The following MACROH2A2 variants were observed in gnomAD, a reference collection of about 807,000 sequenced individuals.
MACROH2A2 encodes core histone macro-H2A.2.
A neutral mutation model predicts 37.6 loss-of-function variants in MACROH2A2; 6 were observed. The observed-to-expected ratio is 0.16, with a 90% CI of 0.09 to 0.32. The LOEUF (loss-of-function observed/expected upper bound fraction) is 0.32, where lower values mean the gene tolerates loss of function less well. MACROH2A2 is among the 10% of genes least tolerant of loss of function. MACROH2A2 has a pLI of 1.00. For missense variants in MACROH2A2, 290 were observed against 485.9 expected, an observed-to-expected ratio of 0.60 and a Z score of 3.79; for synonymous variants, 192 against 202.7, an observed-to-expected ratio of 0.95 and a Z score of 0.45.
chr10:70,075,835 T>A lies in MACROH2A2; in HGVS notation c.172+5T>A. The A allele has an allele frequency of 6.2e-7, 1 of 1,611,446 alleles. No individual in the cohort carries two copies. Among genetic ancestry groups the A allele is most frequent in the Non-Finnish European group, 8.5e-7 (1 of 1,179,106 alleles). On this transcript the variant is annotated splice_donor_5th_base_variant and intron_variant, in intron 2 of 8. Coordinates refer to ENST00000373255, the MANE Select transcript of MACROH2A2 (RefSeq NM_018649.3). This position sits in a 1 kb window ranked among gnomAD's most constrained non-coding sequence, Gnocchi z 5.0. ...CAGTCATTGAGTACCTGGCAGGTAATGAGGACACGCAAAGGAGGCTGCCTG... is the reference window on the plus strand; with the variant it reads ...CAGTCATTGAGTACCTGGCAGGTAAAGAGGACACGCAAAGGAGGCTGCCTG...
chr10:70,111,387 G>A, intron 8 of MACROH2A2, 131 bp from the exon 9 acceptor site: 1 of 748,052 alleles, frequency 1.3e-6, no homozygotes, highest in Non-Finnish European at 2.1e-6. Flanking sequence ...CTTTGGCTAG[G>A]GTCAAAGGAG....
At chr10:70,082,249 G>A (rs1052956768) in intron 2 of MACROH2A2, among the ~76,000 whole-genome samples, 19 of 152,028 alleles carry the variant, frequency 1.2e-4, no homozygotes, top group East Asian at 3.9e-4. Context: ...GAGAAACCCC[G>A]TCTCTACTAA....
intron 1 of MACROH2A2, among the ~76,000 whole-genome samples, chr10:70,060,375 AAAG>A (rs1255776121): frequency 6.6e-6 from 1 of 152,080 alleles, no homozygotes; most frequent in African/African-American, 2.4e-5. Flanking sequence ...CTTAAAAAAA[AAAG>A]AAAGAAAAAG....
intron 1 of MACROH2A2, among the ~76,000 whole-genome samples, chr10:70,070,399 C>CT (rs1044496966): frequency 2.2e-4 from 33 of 152,162 alleles, no homozygotes; most frequent in Non-Finnish European, 5.9e-5. Context: ...CATTTAGGTA[C>CT]TTTTTTACAA....
rs1489687345 is a variant in MACROH2A2 at position 70,107,625 on chromosome 10, A to G, written c.779-1408A>G. Among the ~76,000 whole-genome samples the G allele has an allele frequency of 6.6e-6, 1 of 152,204 alleles. No individual in the cohort carries two copies. Among genetic ancestry groups the G allele is most frequent in the Admixed American group, 6.5e-5 (1 of 15,284 alleles). On this transcript the variant is annotated intron_variant, in intron 7 of 8. Transcript: ENST00000373255. This position sits in a 1 kb window ranked among gnomAD's most constrained non-coding sequence, Gnocchi z 4.4. ...CGGGGCTTTATCAACTCTGTCACCAATGGGAACCACATTTAGGGGAGTAAA... is the reference window on the plus strand; with the variant it reads ...CGGGGCTTTATCAACTCTGTCACCAGTGGGAACCACATTTAGGGGAGTAAA...
At chr10:70,074,804 G>A (rs1054652764) in intron 1 of MACROH2A2, among the ~76,000 whole-genome samples, 2 of 152,160 alleles carry the variant, frequency 1.3e-5, no homozygotes, top group African/African-American at 2.4e-5. Context: ...GTGGAACTGT[G>A]AGTGCATTAA....
At position 70,111,708 on chromosome 10, in the gene MACROH2A2, G is replaced by A. The variant is rs933990694; in HGVS notation, c.*25G>A. 7 of 1,562,932 alleles carry A rather than the reference G, an allele frequency of 4.5e-6. No homozygotes were observed. Among genetic ancestry groups the A allele is most frequent in the African/African-American group, 1.4e-5 (1 of 73,456 alleles). ...GCCGCCGCACTTTCCAGCAGGGATCGGAGGACGACCCGAGTCCCAAGAGTG... is the reference window on the plus strand; with the variant it reads ...GCCGCCGCACTTTCCAGCAGGGATCAGAGGACGACCCGAGTCCCAAGAGTG... On this transcript the variant is annotated 3_prime_UTR_variant, in exon 9 of 9. Transcript: ENST00000373255.
intron 1 of MACROH2A2, among the ~76,000 whole-genome samples, chr10:70,073,983 G>T (rs1313773433): frequency 6.6e-6 from 1 of 152,168 alleles, no homozygotes; most frequent in Non-Finnish European, 1.5e-5. Flanking sequence ...GAACGCCATT[G>T]ACCTTGGGGA....
chr10:70,079,565 GCACACACACACACA>G lies in MACROH2A2; in HGVS notation c.172+3763_172+3776del, dbSNP rs56247035. Among the ~76,000 whole-genome samples the G allele has an allele frequency of 7.5e-4, 95 of 126,264 alleles. 3 individuals carry two copies. The South Asian group carries it at 0.022, about 29-fold the overall frequency. The allele number at this position is 126,264 out of a possible 152,430, so 82.8% of individuals were successfully genotyped here. ...ACGTTGAGGGTTCGCGCGCGCGCGC[GCACACACACACACA>G]CACACACACACACACACACACACAC... On this transcript the variant is annotated intron_variant, in intron 2 of 8. Transcript: ENST00000373255.
intron 7 of MACROH2A2, among the ~76,000 whole-genome samples, chr10:70,102,494 G>A (rs1160010468): frequency 6.6e-6 from 1 of 152,110 alleles, no homozygotes; most frequent in Non-Finnish European, 1.5e-5. Flanking sequence ...TGAGGCAGGC[G>A]GATCACGAGG....
At chr10:70,080,609 C>T (rs1426866680) in intron 2 of MACROH2A2, among the ~76,000 whole-genome samples, 2 of 151,914 alleles carry the variant, frequency 1.3e-5, no homozygotes, top group African/African-American at 2.4e-5. Flanking sequence ...GTGCTGGGCA[C>T]GGTGGCTCAA....
intron 2 of MACROH2A2, among the ~76,000 whole-genome samples, chr10:70,087,383 C>T (rs1474343120): frequency 6.6e-6 from 1 of 152,032 alleles, no homozygotes; most frequent in African/African-American, 2.4e-5. Flanking sequence ...TAGGCGCACG[C>T]CACCAAGCCT....
chr10:70,065,022 C>CT lies in MACROH2A2; in HGVS notation c.-59-10567dup, dbSNP rs1186644326. On this transcript the variant is annotated intron_variant, in intron 1 of 8. Transcript: ENST00000373255. ...ATAATCATCAATCTTGTCCTTCATTCTTTTTTTTTTTCTTTTTTTTTTTTG... is the reference window on the plus strand; with the variant it reads ...ATAATCATCAATCTTGTCCTTCATTCTTTTTTTTTTTTCTTTTTTTTTTTTG... 2.2e-3 allele frequency among the ~76,000 whole-genome samples: 308 copies of CT among 137,032 alleles called. 1 individual carries two copies. Among genetic ancestry groups the CT allele is most frequent in the Non-Finnish European group, 2.7e-3 (172 of 63,294 alleles). 89.9% of individuals were successfully genotyped at this position (137,032 alleles called of 152,430 possible).
intron 7 of MACROH2A2, among the ~76,000 whole-genome samples, chr10:70,103,338 CT>C (rs1172752959): frequency 6.6e-6 from 1 of 152,174 alleles, no homozygotes; most frequent in Non-Finnish European, 1.5e-5. Flanking sequence ...AATAGCTGCT[CT>C]GCACAGAATG....
intron 4 of MACROH2A2, among the ~76,000 whole-genome samples, 180 bp downstream of exon 4, chr10:70,092,134 T>C (rs1426206372): frequency 6.6e-6 from 1 of 152,114 alleles, no homozygotes; most frequent in Non-Finnish European, 1.5e-5. Context: ...AGTCCCCTTA[T>C]AAAAGAGGCC....
intron 4 of MACROH2A2, among the ~76,000 whole-genome samples, chr10:70,092,453 GAA>G (rs1046719302): frequency 3.3e-5 from 5 of 152,020 alleles, no homozygotes; most frequent in African/African-American, 1.2e-4. Context: ...AAAAAAAAAA[GAA>G]AGTGGTTTCT....
At chr10:70,100,805 T>G (rs1283057502) in intron 7 of MACROH2A2, among the ~76,000 whole-genome samples, 1 of 152,034 alleles carries the variant, frequency 6.6e-6, no homozygotes, top group Non-Finnish European at 1.5e-5. Flanking sequence ...TTAGTAGAGA[T>G]GGGGTTTTGC....
chr10:70,093,910 C>T (rs1400011417), intron 5 of MACROH2A2, 65 bp downstream of exon 5: 1 of 817,856 alleles, frequency 1.2e-6, no homozygotes, highest in Non-Finnish European at 2.1e-6. Context: ...CTACTGTTTA[C>T]AAGCAATGAT....
In MACROH2A2 at chr10:70,111,471, G is replaced by A. The variant is rs532768687; in HGVS notation, c.954-47G>A. 1.9e-5 allele frequency: 30 copies of A among 1,576,060 alleles called. No homozygotes were observed. In the African/African-American group the frequency reaches 2.7e-4, roughly 14 times the overall value. On this transcript the variant is annotated intron_variant, in intron 8 of 8. Coordinates refer to ENST00000373255, the MANE Select transcript of MACROH2A2 (RefSeq NM_018649.3). ...ACAAAGGCACTTCATGCTCCCATGG[G>A]TCCCAGGGACCAAAATGACATCGGC...
Sources: gnomAD v4.1 joint callset for allele counts (sites outside exome capture counted in the v4.1 genomes callset) on GRCh38, gnomAD v4.1.1 for gene constraint, Gnocchi (gnomAD v3.1) non-coding constraint, MANE v1.5 for transcripts, NCBI Gene and HGNC (gene_info 2026-07-23, HGNC 2026-07-21) for gene names.